RNF152: variants seen among roughly 807,000 people sequenced by gnomAD.
The protein encoded by RNF152 is ring finger protein 152, also known as E3 ubiquitin-protein ligase RNF152.
Under a neutral mutation model 12.7 loss-of-function variants are expected in RNF152, and 11 were observed. That is an observed-to-expected ratio of 0.86 (90% CI 0.54 to 1.43). The LOEUF is 1.43. RNF152 is among the 40% of genes most tolerant of loss of function. The probability of loss-of-function intolerance (pLI) is 0.00; values close to 1 mark genes in which losing one functional copy is unlikely to be tolerated. For missense variants in RNF152, 255 were observed against 274.8 expected (o/e 0.93, Z 0.51); for synonymous variants, 113 against 120.3 (o/e 0.94, Z 0.40).
At chr18:61,857,140 C>T (rs1008007048) in intron 1 of RNF152, among the ~76,000 whole-genome samples, 4 of 152,172 alleles carry the variant, frequency 2.6e-5, no homozygotes, top group African/African-American at 9.7e-5. Context: ...CTGATAATTC[C>T]TACCCTGACT....
At position 61,848,558 on chromosome 18, in the gene RNF152, T is replaced by A. The variant is rs192016923; in HGVS notation, c.-135-31960A>T. ...TGTACGTGGCCTCAGCCTAACACAGTTACCTTCTTAGTAGTATTTGCAGAG... is the reference window on the plus strand; with the variant it reads ...TGTACGTGGCCTCAGCCTAACACAGATACCTTCTTAGTAGTATTTGCAGAG... On this transcript the variant is annotated intron_variant, in intron 1 of 1. Transcript: ENST00000312828. 6.6e-4 allele frequency among the ~76,000 whole-genome samples: 101 copies of A among 152,318 alleles called. 1 individual carries two copies. In the South Asian group the frequency reaches 0.012, roughly 18 times the overall value.
intron 1 of RNF152, among the ~76,000 whole-genome samples, chr18:61,889,879 T>A (rs76554779): frequency 0.016 from 2,375 of 152,294 alleles, 72 homozygotes; most frequent in African/African-American, 0.055. Flanking sequence ...AGAGAAAGTC[T>A]GTAAGTAACA....
chr18:61,861,668 G>T (rs1911490293), intron 1 of RNF152, among the ~76,000 whole-genome samples: 1 of 152,188 alleles, frequency 6.6e-6, no homozygotes, highest in Non-Finnish European at 1.5e-5. Context: ...AGTTCCACTG[G>T]CCAGAAGGTT....
At chr18:61,851,911 A>G (rs1910998409) in intron 1 of RNF152, among the ~76,000 whole-genome samples, 1 of 152,236 alleles carries the variant, frequency 6.6e-6, no homozygotes, top group South Asian at 2.1e-4. Flanking sequence ...TAGAAGTCTC[A>G]TTGAAAATAT....
At chr18:61,820,550 C>T (rs770492988) in intron 1 of RNF152, among the ~76,000 whole-genome samples, 17 of 151,910 alleles carry the variant, frequency 1.1e-4, no homozygotes, top group Admixed American at 3.3e-4. Context: ...GGAAGGATTG[C>T]TCACGTTGAG....
At chr18:61,844,107 AAAG>A (rs1910614066) in intron 1 of RNF152, among the ~76,000 whole-genome samples, 1 of 144,524 alleles carries the variant, frequency 6.9e-6, no homozygotes, top group Non-Finnish European at 1.5e-5. Flanking sequence ...AGAAAGAAAG[AAAG>A]AAAGAAAGAA....
In RNF152 at chr18:61,811,955, G is replaced by A. The variant is rs547087712; in HGVS notation, c.*3897C>T. The A allele has an allele frequency of 3.3e-5, 5 of 152,204 alleles. No individual in the cohort carries two copies. In the East Asian group the frequency reaches 9.7e-4, roughly 29 times the overall value. The allele number at this position is 152,204 out of a possible 1,614,324, so 9.4% of individuals were successfully genotyped here. A position where few individuals can be genotyped will look rare whatever the true frequency, so the allele number is the denominator to read the frequency against. On this transcript the variant is annotated 3_prime_UTR_variant, in exon 2 of 2. Transcript: ENST00000312828. ...TCATTCCTTGGCCTAAAATCTATAA[G>A]CAACAGTTCCAAAGGGCAACAATGA... is the stretch of plus-strand genomic sequence containing the variant.
chr18:61,885,126 C>T (rs1424092821), intron 1 of RNF152, among the ~76,000 whole-genome samples: 1 of 152,182 alleles, frequency 6.6e-6, no homozygotes, highest in East Asian at 1.9e-4. Context: ...GGGGTAAATT[C>T]TCCAAAGTAC....
intron 1 of RNF152, among the ~76,000 whole-genome samples, chr18:61,856,829 G>A (rs1189999912): frequency 2.0e-5 from 3 of 152,068 alleles, no homozygotes; most frequent in African/African-American, 7.2e-5. Flanking sequence ...AAGTGGGAGA[G>A]CCCAGGAAAA....
chr18:61,831,342 T>C (rs763298916), intron 1 of RNF152, among the ~76,000 whole-genome samples: 3 of 152,218 alleles, frequency 2.0e-5, no homozygotes, highest in Non-Finnish European at 4.4e-5. Flanking sequence ...TCTTTCCCTT[T>C]GCTGCTTATT....
chr18:61,866,119 G>A (rs1392739814), intron 1 of RNF152, among the ~76,000 whole-genome samples: 2 of 152,146 alleles, frequency 1.3e-5, no homozygotes, highest in Non-Finnish European at 2.9e-5. Context: ...GGAATTTGGA[G>A]GGCTGAGTGG....
Position 61,871,103 on chromosome 18 carries a change from A to C in RNF152, c.-136+21692T>G, listed in dbSNP as rs528066740. ...TAGGCTTCGATTCACACCATTGGCT[A>C]CTACAACCTCTCGGAGGTGTGTACA... is the stretch of plus-strand genomic sequence containing the variant. On this transcript the variant is annotated intron_variant, in intron 1 of 1. Coordinates refer to ENST00000312828, the MANE Select transcript of RNF152 (RefSeq NM_173557.3). Among the ~76,000 whole-genome samples the C allele has an allele frequency of 6.6e-5, 10 of 152,050 alleles. 1 individual carries two copies. In the East Asian group the frequency reaches 1.9e-3, roughly 29 times the overall value.
At chr18:61,833,955 T>C (rs4129490) in intron 1 of RNF152, among the ~76,000 whole-genome samples, 69,498 of 152,088 alleles carry the variant, frequency 0.46, 16,381 homozygotes, top group Non-Finnish European at 0.53. Flanking sequence ...TAATTATGTG[T>C]GGTTAGCAAA....
intron 1 of RNF152, among the ~76,000 whole-genome samples, chr18:61,872,000 G>A (rs1453579102): frequency 1.3e-5 from 2 of 152,136 alleles, no homozygotes; most frequent in Non-Finnish European, 2.9e-5. Context: ...AAGAAAAGAG[G>A]CTTAATTGGC....
chr18:61,816,620 A>T, intron 1 of RNF152, 22 bp from the exon 2 acceptor site: 1 of 700,150 alleles, frequency 1.4e-6, no homozygotes, highest in Admixed American at 2.9e-5. Context: ...AAATAATGCA[A>T]ACAATCTTAA....
At chr18:61,864,602 C>T (rs1009975520) in intron 1 of RNF152, among the ~76,000 whole-genome samples, 21 of 152,166 alleles carry the variant, frequency 1.4e-4, no homozygotes, top group Admixed American at 1.2e-3. Flanking sequence ...CTCCCTCTTT[C>T]GCCCTTCTTC....
At chr18:61,866,928 C>A (rs1202458984) in intron 1 of RNF152, among the ~76,000 whole-genome samples, 2 of 152,178 alleles carry the variant, frequency 1.3e-5, no homozygotes, top group Non-Finnish European at 2.9e-5. Context: ...GGGGCTTGTC[C>A]CAAAATGACT....
At chr18:61,876,621 G>A (rs942302785) in intron 1 of RNF152, among the ~76,000 whole-genome samples, 33 of 152,164 alleles carry the variant, frequency 2.2e-4, no homozygotes, top group African/African-American at 7.7e-4. Flanking sequence ...TGCTGGAGAC[G>A]TCTTGACTGG....
upstream of RNF152, among the ~76,000 whole-genome samples, chr18:61,894,398 G>C (rs1403250294): frequency 6.6e-6 from 1 of 151,746 alleles, no homozygotes; most frequent in Non-Finnish European, 1.5e-5. The surrounding 1 kb of genome is among the most constrained non-coding windows in gnomAD (Gnocchi z 4.9). Context: ...GTTCGCGGTC[G>C]GACACCGCCG....
Sources: allele counts gnomAD v4.1 joint callset (sites outside exome capture counted in the v4.1 genomes callset), GRCh38; gene constraint gnomAD v4.1.1; non-coding constraint Gnocchi (gnomAD v3.1); transcripts MANE v1.5; gene names NCBI Gene and HGNC (gene_info 2026-07-23, HGNC 2026-07-21).